The following PCLO variants were observed in gnomAD, a reference collection of about 807,000 sequenced individuals.
The protein encoded by PCLO is piccolo presynaptic cytomatrix protein.
Under a neutral mutation model 427.5 loss-of-function variants are expected in PCLO, and 82 were observed. That is an observed-to-expected ratio of 0.19 (90% CI 0.16 to 0.23). The LOEUF is 0.23. Ranked by LOEUF, PCLO falls within the 10% of genes least tolerant of loss-of-function variation. PCLO has a pLI of 1.00. For synonymous variants in PCLO, 2,357 were observed against 2,155.4 expected, an observed-to-expected ratio of 1.09 and a Z score of -2.59; for missense variants, 6,239 against 6,115.9, an observed-to-expected ratio of 1.02 and a Z score of -0.67.
chr7:83,119,311 GCA>G (rs1389620917), intron 3 of PCLO, among the ~76,000 whole-genome samples: 1 of 152,110 alleles, frequency 6.6e-6, no homozygotes, highest in Non-Finnish European at 1.5e-5. Flanking sequence ...ATGCAGCCCA[GCA>G]CAGAGAGAGA....
At chr7:83,105,686 T>C (rs1790836619) in intron 3 of PCLO, among the ~76,000 whole-genome samples, 1 of 152,112 alleles carries the variant, frequency 6.6e-6, no homozygotes, top group Non-Finnish European at 1.5e-5. Context: ...ATTTTGTTGT[T>C]TGAATTGAAG....
intron 21 of PCLO, among the ~76,000 whole-genome samples, chr7:82,801,955 T>G (rs2129468698): frequency 6.6e-6 from 1 of 152,212 alleles, no homozygotes; most frequent in African/African-American, 2.4e-5. Flanking sequence ...GAGAAGGGGC[T>G]TTATATTTTT....
intron 3 of PCLO, among the ~76,000 whole-genome samples, chr7:83,040,086 A>G (rs769041445): frequency 6.6e-6 from 1 of 152,088 alleles, no homozygotes; most frequent in South Asian, 2.1e-4. Context: ...TTTTCTATAT[A>G]TAAGATCATA....
rs1228684076 is a variant in PCLO, at chr7:82,979,939, C to T, written c.3301-13452G>A. 3.3e-5 allele frequency among the ~76,000 whole-genome samples: 5 copies of T among 152,126 alleles called. No individual in the cohort carries two copies. The East Asian group carries it at 9.6e-4, about 29-fold the overall frequency. On this transcript the variant is annotated intron_variant, in intron 3 of 24. Transcript: ENST00000333891. ...ATAAACCCAACTTTGAATAAAGGGC[C>T]TAAGTTCAATTAATTTCTTTAAATG... is the stretch of plus-strand genomic sequence containing the variant.
At chr7:83,046,786 A>T (rs1224479391) in intron 3 of PCLO, among the ~76,000 whole-genome samples, 1 of 152,092 alleles carries the variant, frequency 6.6e-6, no homozygotes, top group South Asian at 2.1e-4. Flanking sequence ...CTGAAAAATC[A>T]ATTTTTTTAA....
At chr7:83,114,351 G>A (rs1791079669) in intron 3 of PCLO, among the ~76,000 whole-genome samples, 1 of 151,840 alleles carries the variant, frequency 6.6e-6, no homozygotes, top group Admixed American at 6.6e-5. Context: ...TGATATTTGG[G>A]ATAAATCTCA....
At position 83,097,028 on chromosome 7, in the gene PCLO, A is replaced by T. The variant is rs1228568050; in HGVS notation, c.3300+37222T>A. On this transcript the variant is annotated intron_variant, in intron 3 of 24. Coordinates refer to ENST00000333891, the MANE Select transcript of PCLO (RefSeq NM_033026.6). ...AAATAATATATATTATATATTATAT[A>T]AATATATATTATATATTATATAAAT... Among the ~76,000 whole-genome samples, 4 of 34,940 alleles carry T rather than the reference A, an allele frequency of 1.1e-4. 1 individual carries two copies. The highest frequency in any genetic ancestry group is 1.9e-4 in the Non-Finnish European group (4 of 20,920). 22.9% of individuals were successfully genotyped at this position (34,940 alleles called of 152,430 possible).
At chr7:82,997,929 G>A (rs1429699043) in intron 3 of PCLO, among the ~76,000 whole-genome samples, 1 of 151,882 alleles carries the variant, frequency 6.6e-6, no homozygotes, top group African/African-American at 2.4e-5. Context: ...TCCATGTAAG[G>A]AGCGTGGAAG....
chr7:83,118,314 G>T (rs984166769), intron 3 of PCLO, among the ~76,000 whole-genome samples: 1 of 152,146 alleles, frequency 6.6e-6, no homozygotes, highest in Non-Finnish European at 1.5e-5. Flanking sequence ...ACCCTCCGGC[G>T]ATCATCTCCA....
chr7:82,820,464 C>G (rs1791764799), intron 20 of PCLO: 1 of 1,156,614 alleles, frequency 8.6e-7, no homozygotes, highest in Non-Finnish European at 1.1e-6. Flanking sequence ...AACAATGGCT[C>G]AGAACCCAGT....
chr7:83,118,801 G>A (rs940927211), intron 3 of PCLO, among the ~76,000 whole-genome samples: 1 of 152,092 alleles, frequency 6.6e-6, no homozygotes, highest in African/African-American at 2.4e-5. Flanking sequence ...CTGGGCTCAA[G>A]TACTACAAGG....
At chr7:82,911,631 A>T (rs1037517383) in intron 7 of PCLO, among the ~76,000 whole-genome samples, 1 of 149,690 alleles carries the variant, frequency 6.7e-6, no homozygotes, top group Non-Finnish European at 1.5e-5. Flanking sequence ...GATGAAGCAC[A>T]TTTTTTTTTT....
intron 20 of PCLO, among the ~76,000 whole-genome samples, chr7:82,809,254 C>T (rs939871682): frequency 6.6e-6 from 1 of 151,674 alleles, no homozygotes; most frequent in Admixed American, 6.6e-5. Context: ...CTGGTCTTTC[C>T]AAATATATCT....
intron 22 of PCLO, among the ~76,000 whole-genome samples, chr7:82,776,283 A>G (rs1283560355): frequency 1.3e-5 from 2 of 152,282 alleles, no homozygotes; most frequent in Admixed American, 6.5e-5. Flanking sequence ...AATACGCAAA[A>G]TAATGTTTTA....
At position 82,916,669 on chromosome 7, in the gene PCLO, C is replaced by G; in HGVS notation, c.11317G>C (p.Val3773Leu). 1 of 1,613,634 alleles carries G rather than the reference C, an allele frequency of 6.2e-7. No individual in the cohort carries two copies. The highest frequency in any genetic ancestry group is 8.5e-7 in the Non-Finnish European group (1 of 1,179,740). ...LQDIDRELDL[V>L]ERESAKLRKK... ...CGAAGTTTTGCAGACTCCCTTTCCACAAGATCAAGCTCTCTGTCTATGTCC... is the reference window on the plus strand; with the variant it reads ...CGAAGTTTTGCAGACTCCCTTTCCAGAAGATCAAGCTCTCTGTCTATGTCC... Residue 3773 changes from valine (V) to leucine (L), a missense_variant, in exon 7 of 25, where the codon GTG becomes CTG. Physicochemically the swap from Val to Leu is conservative, Grantham distance 32. Around this residue, in one of 5 missense-constraint regions of PCLO, gnomAD observed 4,677 missense variants for 4,468.4 expected, o/e 1.05. Coordinates refer to ENST00000333891, the MANE Select transcript of PCLO (RefSeq NM_033026.6).
At chr7:82,994,886 TG>T (rs1488694700) in intron 3 of PCLO, among the ~76,000 whole-genome samples, 1 of 151,932 alleles carries the variant, frequency 6.6e-6, no homozygotes, top group Non-Finnish European at 1.5e-5. Flanking sequence ...GGACTGAATG[TG>T]GATAGTGAGA....
Position 82,827,986 on chromosome 7 carries a change from A to G in PCLO, c.14250-20T>C, listed in dbSNP as rs201946327. On this transcript the variant is annotated intron_variant, in intron 16 of 24. Coordinates refer to ENST00000333891, the MANE Select transcript of PCLO (RefSeq NM_033026.6). ...TCAGCACTGAATTGGGAGAAAAGAA[A>G]GAGTTATCTTGATTATTCACCTTAG... 393 of 1,384,846 alleles carry G rather than the reference A, an allele frequency of 2.8e-4. 3 individuals carry two copies. The African/African-American group carries it at 5.2e-3, about 18-fold the overall frequency. 85.8% of individuals were successfully genotyped at this position (1,384,846 alleles called of 1,614,324 possible).
At chr7:82,989,075 C>T (rs989889580) in intron 3 of PCLO, among the ~76,000 whole-genome samples, 16 of 151,920 alleles carry the variant, frequency 1.1e-4, no homozygotes, top group East Asian at 1.9e-4. Context: ...TCGCCCTCCT[C>T]GGCCTCCCAA....
At chr7:82,852,402 AG>A (rs1792686872) in intron 10 of PCLO, among the ~76,000 whole-genome samples, 1 of 152,118 alleles carries the variant, frequency 6.6e-6, no homozygotes, top group Admixed American at 6.6e-5. Flanking sequence ...CAGTGTGGCT[AG>A]AATAAAGCAG....
Sources: allele counts gnomAD v4.1 joint callset (sites outside exome capture counted in the v4.1 genomes callset), GRCh38; gene constraint gnomAD v4.1.1; regional missense constraint gnomAD v4.1.1; transcripts MANE v1.5; gene names NCBI Gene and HGNC (gene_info 2026-07-23, HGNC 2026-07-21).